The following CSMD1 variants were observed in gnomAD, a reference collection of about 807,000 sequenced individuals.
The protein encoded by CSMD1 is CUB and Sushi multiple domains 1, also known as CUB and sushi domain-containing protein 1.
In CSMD1, 213 loss-of-function variants were observed where a neutral mutation model predicts 417.5. That is an observed-to-expected ratio of 0.51 (90% confidence interval 0.46 to 0.57). The LOEUF (loss-of-function observed/expected upper bound fraction) is 0.57, where lower values mean the gene tolerates loss of function less well. CSMD1 is among the 20% of genes least tolerant of loss of function. The pLI is 0.00. For missense variants in CSMD1, 6,923 were observed against 4,529.7 expected (o/e 1.53, Z -15.17); for synonymous variants, 2,862 against 1,736.8 (o/e 1.65, Z -16.11).
chr8:4,167,436 G>A (rs926563962), intron 3 of CSMD1, among the ~76,000 whole-genome samples: 2 of 152,088 alleles, frequency 1.3e-5, no homozygotes, highest in African/African-American at 4.8e-5. Context: ...TAATAGAAAT[G>A]TTAACACACT....
intron 3 of CSMD1, among the ~76,000 whole-genome samples, chr8:4,053,889 T>G (rs1018362369): frequency 6.6e-6 from 1 of 152,230 alleles, no homozygotes; most frequent in Non-Finnish European, 1.5e-5. Context: ...TTGCTATAAT[T>G]ATCATAAATA....
intron 1 of CSMD1, among the ~76,000 whole-genome samples, chr8:4,733,024 GAA>G (rs11308667): frequency 2.8e-4 from 42 of 149,210 alleles, no homozygotes; most frequent in African/African-American, 8.2e-4. Flanking sequence ...GGTTTCTTTG[GAA>G]AAAAAAAAAT....
chr8:3,289,395 T>C (rs1803385777), intron 25 of CSMD1, among the ~76,000 whole-genome samples: 1 of 147,472 alleles, frequency 6.8e-6, no homozygotes, highest in Non-Finnish European at 1.5e-5. Flanking sequence ...CCCTGAGGAA[T>C]CGCCACACTG....
At chr8:3,678,780 C>T (rs929624709) in intron 7 of CSMD1, among the ~76,000 whole-genome samples, 6 of 152,072 alleles carry the variant, frequency 3.9e-5, no homozygotes, top group African/African-American at 7.2e-5. Flanking sequence ...TTAAGTGCAG[C>T]CAGAGAGAAA....
At chr8:4,415,244 A>C (rs1796868388) in intron 3 of CSMD1, among the ~76,000 whole-genome samples, 1 of 151,722 alleles carries the variant, frequency 6.6e-6, no homozygotes, top group African/African-American at 2.4e-5. Flanking sequence ...GCCTCCATCA[A>C]CTCCGCCTCA....
At chr8:3,667,733 A>G (rs927143302) in intron 7 of CSMD1, among the ~76,000 whole-genome samples, 3 of 152,200 alleles carry the variant, frequency 2.0e-5, no homozygotes, top group African/African-American at 7.2e-5. Context: ...TCATTAGAGA[A>G]AGTAAACAAG....
chr8:4,899,412 C>T (rs905204087), intron 1 of CSMD1, among the ~76,000 whole-genome samples: 10 of 152,256 alleles, frequency 6.6e-5, no homozygotes, highest in Admixed American at 2.6e-4. Context: ...AAACATACTT[C>T]TCCCAGGAAG....
chr8:3,448,114 T>C (rs1585179015), intron 12 of CSMD1, among the ~76,000 whole-genome samples: 1 of 151,396 alleles, frequency 6.6e-6, no homozygotes, highest in East Asian at 2.0e-4. Context: ...TAAGAGAATA[T>C]TAGCATGATG....
At chr8:3,558,999 T>A (rs1201764556) in intron 10 of CSMD1, among the ~76,000 whole-genome samples, 1 of 152,210 alleles carries the variant, frequency 6.6e-6, no homozygotes, top group Non-Finnish European at 1.5e-5. Flanking sequence ...GAAGTGGGAC[T>A]GCCGTGGTGG....
chr8:4,037,622 A>G (rs79566183), intron 3 of CSMD1, among the ~76,000 whole-genome samples: 4 of 98,780 alleles, frequency 4.0e-5, no homozygotes, highest in South Asian at 3.2e-4. Context: ...TAGGTCTCTT[A>G]TATTTATCAG....
intron 51 of CSMD1, among the ~76,000 whole-genome samples, chr8:3,023,474 T>C (rs556074199): frequency 6.6e-6 from 1 of 152,324 alleles, no homozygotes; most frequent in Non-Finnish European, 1.5e-5. Flanking sequence ...GGAAGGTGTG[T>C]AGCCGCCTCT....
chr8:3,194,581 T>G (rs1368958300), intron 33 of CSMD1, among the ~76,000 whole-genome samples: 1 of 151,388 alleles, frequency 6.6e-6, no homozygotes, highest in Non-Finnish European at 1.5e-5. Context: ...CCTCAGCCTC[T>G]CAAGAAGCTG....
chr8:3,679,892 C>A (rs933222766), intron 7 of CSMD1, among the ~76,000 whole-genome samples: 1 of 152,076 alleles, frequency 6.6e-6, no homozygotes, highest in Non-Finnish European at 1.5e-5. Flanking sequence ...CACTCAAAAC[C>A]ACACAACTAC....
chr8:4,596,798 C>T (rs887931653), intron 2 of CSMD1, among the ~76,000 whole-genome samples: 9 of 152,322 alleles, frequency 5.9e-5, no homozygotes, highest in African/African-American at 2.2e-4. Context: ...TGAATTCTAT[C>T]TACCAGAATA....
chr8:3,595,648 C>A (rs1039512506), intron 8 of CSMD1, among the ~76,000 whole-genome samples: 1 of 152,150 alleles, frequency 6.6e-6, no homozygotes, highest in African/African-American at 2.4e-5. Flanking sequence ...CAATTTCCAG[C>A]TGTGACTAGC....
At chr8:4,252,573 C>A (rs1453679946) in intron 3 of CSMD1, among the ~76,000 whole-genome samples, 1 of 152,190 alleles carries the variant, frequency 6.6e-6, no homozygotes, top group Non-Finnish European at 1.5e-5. Flanking sequence ...CTGCTACTTA[C>A]CTACACAATG....
chr8:4,785,870 C>A (rs1354125982), intron 1 of CSMD1, among the ~76,000 whole-genome samples: 2 of 152,100 alleles, frequency 1.3e-5, no homozygotes, highest in Non-Finnish European at 1.5e-5. Flanking sequence ...TCCTAAGACA[C>A]AACGGGGCCT....
intron 3 of CSMD1, among the ~76,000 whole-genome samples, chr8:4,387,200 T>C (rs1584996254): frequency 6.6e-6 from 1 of 152,188 alleles, no homozygotes; most frequent in African/African-American, 2.4e-5. Context: ...GGTATCTGAG[T>C]GTCACTCACT....
At chr8:4,619,023 A>G (rs767766539) in intron 2 of CSMD1, among the ~76,000 whole-genome samples, 3 of 152,180 alleles carry the variant, frequency 2.0e-5, no homozygotes, top group Non-Finnish European at 4.4e-5. Flanking sequence ...TATTTCAAAA[A>G]TAATTTACCT....
Sources: gnomAD v4.1 joint callset for allele counts (sites outside exome capture counted in the v4.1 genomes callset) on GRCh38, gnomAD v4.1.1 for gene constraint, MANE v1.5 for transcripts, NCBI Gene and HGNC (gene_info 2026-07-23, HGNC 2026-07-21) for gene names.